Variants in SPATA6L observed in about 807,000 individuals in gnomAD.
The protein encoded by SPATA6L is spermatogenesis associated 6-like protein.
Under a neutral mutation model 49.2 loss-of-function variants are expected in SPATA6L, and 68 were observed. That is an observed-to-expected ratio of 1.38 (90% confidence interval 1.14 to 1.69). SPATA6L has a LOEUF of 1.69. Among genes scored for constraint, SPATA6L ranks in the 40% most tolerant of loss-of-function variants. SPATA6L has a pLI of 0.00. For missense variants in SPATA6L, 668 were observed against 464.3 expected, an observed-to-expected ratio of 1.44 and a Z score of -4.03; for synonymous variants, 198 against 165.7, an observed-to-expected ratio of 1.19 and a Z score of -1.50.
chr9:4,609,405 T>G (rs1300133904), intron 9 of SPATA6L, among the ~76,000 whole-genome samples: 1 of 152,186 alleles, frequency 6.6e-6, no homozygotes, highest in African/African-American at 2.4e-5. Flanking sequence ...CAAAAAATAC[T>G]GGCAAAACGA....
At chr9:4,631,733 A>G (rs1339693447) in intron 4 of SPATA6L, among the ~76,000 whole-genome samples, 1 of 152,244 alleles carries the variant, frequency 6.6e-6, no homozygotes, top group Non-Finnish European at 1.5e-5. Context: ...TTCCTACAAT[A>G]TTAATGAAAA....
At chr9:4,640,589 G>C (rs561771408) in intron 3 of SPATA6L, among the ~76,000 whole-genome samples, 16 of 152,098 alleles carry the variant, frequency 1.1e-4, no homozygotes, top group African/African-American at 3.4e-4. Context: ...ATTTTTGCTA[G>C]TATCAAGGAT....
chr9:4,652,430 A>C (rs1369647701), intron 3 of SPATA6L, among the ~76,000 whole-genome samples: 1 of 152,186 alleles, frequency 6.6e-6, no homozygotes, highest in Non-Finnish European at 1.5e-5. Flanking sequence ...GGATCTCTAT[A>C]AACTTGAACA....
chr9:4,649,845 A>G (rs1836397331), intron 3 of SPATA6L, among the ~76,000 whole-genome samples: 1 of 152,220 alleles, frequency 6.6e-6, no homozygotes. Context: ...AAATGAAATG[A>G]AAATATCCCA....
chr9:4,646,225 T>C (rs942913594), intron 3 of SPATA6L: 2 of 270,064 alleles, frequency 7.4e-6, no homozygotes, highest in African/African-American at 2.2e-5. Context: ...AATAATTAGA[T>C]AAAGTTATTA....
rs1418783529 is a variant in SPATA6L, at chr9:4,622,444, A to C, written c.736T>G (p.Ser246Ala). 1 of 1,613,936 alleles carries C rather than the reference A, an allele frequency of 6.2e-7. No individual in the cohort carries two copies. Among genetic ancestry groups the C allele is most frequent in the Non-Finnish European group, 8.5e-7 (1 of 1,179,876 alleles). ...GGAAACGGAAAGTCTGAAAACTTAG[A>C]TTTTCTTCTAGACCTCCTCAAATGA... ...EHHLRRSRRK[S>A]KFSDFPFPTR... Residue 246 changes from serine to alanine, a missense_variant, in exon 7 of 12, where the codon TCT (serine) becomes GCT (alanine). Ser to Ala is a moderately conservative substitution (Grantham distance 99). Transcript: ENST00000682582.
At chr9:4,649,998 G>A (rs1836427674) in intron 3 of SPATA6L, among the ~76,000 whole-genome samples, 1 of 152,178 alleles carries the variant, frequency 6.6e-6, no homozygotes, top group African/African-American at 2.4e-5. Context: ...AAATATAAAT[G>A]CAGGAAATCA....
chr9:4,603,289 G>A (rs1371265090), intron 11 of SPATA6L, among the ~76,000 whole-genome samples: 1 of 152,158 alleles, frequency 6.6e-6, no homozygotes, highest in Non-Finnish European at 1.5e-5. Context: ...AATTAGCTGG[G>A]TGTGGTTGTG....
intron 5 of SPATA6L, 63 bp downstream of exon 5, chr9:4,629,028 A>C: frequency 8.1e-7 from 1 of 1,228,258 alleles, no homozygotes; most frequent in South Asian, 1.3e-5. Context: ...TTGGGCAAAA[A>C]TTCTTTAAAT....
chr9:4,605,513 G>C, intron 9 of SPATA6L, 73 bp from the exon 10 acceptor site: 2 of 976,292 alleles, frequency 2.0e-6, no homozygotes, highest in Admixed American at 4.2e-5. Context: ...ATGACGGTAT[G>C]GATTGATATT....
At chr9:4,644,978 T>A (rs418122) in intron 3 of SPATA6L, among the ~76,000 whole-genome samples, 95,610 of 151,866 alleles carry the variant, frequency 0.63, 32,031 homozygotes, top group African/African-American at 0.88. Flanking sequence ...TCTGTTCAAA[T>A]TTACTCACCT....
intron 9 of SPATA6L, among the ~76,000 whole-genome samples, chr9:4,605,960 T>C (rs1216990486): frequency 6.6e-6 from 1 of 152,098 alleles, no homozygotes; most frequent in Non-Finnish European, 1.5e-5. Context: ...GCGCGCACCG[T>C]GCGCGAGCCG....
chr9:4,639,579 G>C (rs10491727), intron 3 of SPATA6L, among the ~76,000 whole-genome samples: 18,408 of 152,196 alleles, frequency 0.12, 1,559 homozygotes, highest in African/African-American at 0.23. Context: ...AGCACACTAA[G>C]AGGATGGTAC....
chr9:4,638,787 TTTC>T lies in SPATA6L; in HGVS notation c.227-3391_227-3389del, dbSNP rs1477400375. 5.1e-3 allele frequency among the ~76,000 whole-genome samples: 630 copies of T among 122,800 alleles called. 5 individuals are homozygous for T. The highest frequency in any genetic ancestry group is 0.028 in the African/African-American group (609 of 21,988). The allele number at this position is 122,800 out of a possible 152,430, so 80.6% of individuals were successfully genotyped here. ...ACTCTTTTCTTTTCTTTTCTTTTCT[TTTC>T]TTTTTTTTTTTTGAGATGGAGTCTC... On this transcript the variant is annotated intron_variant, in intron 3 of 11. Transcript: ENST00000682582.
Position 4,644,152 on chromosome 9 carries a change from G to A in SPATA6L, c.227-8753C>T, listed in dbSNP as rs912073436. Among the ~76,000 whole-genome samples, 39 of 123,224 alleles carry A rather than the reference G, an allele frequency of 3.2e-4. 1 individual carries two copies. Among genetic ancestry groups the A allele is most frequent in the Non-Finnish European group, 1.6e-5 (1 of 62,540 alleles). The allele number at this position is 123,224 out of a possible 152,430, so 80.8% of individuals were successfully genotyped here. ...ACTTGCATCCAGGAGTTTGAGACCA[G>A]CCTAGGCAACATAGTAAGATGCCAT... On this transcript the variant is annotated intron_variant, in intron 3 of 11. Transcript: ENST00000682582.
intron 2 of SPATA6L, among the ~76,000 whole-genome samples, chr9:4,657,828 G>C (rs1183020340): frequency 6.6e-6 from 1 of 152,186 alleles, no homozygotes; most frequent in East Asian, 1.9e-4. Context: ...AAAATCTCTA[G>C]TTAGAGGTTC....
chr9:4,620,213 C>T (rs982925541), intron 7 of SPATA6L, among the ~76,000 whole-genome samples: 1 of 152,074 alleles, frequency 6.6e-6, no homozygotes, highest in Non-Finnish European at 1.5e-5. Flanking sequence ...TAACCTCCTT[C>T]TCATAACCTC....
At chr9:4,665,639 G>C (rs1167276278) in intron 1 of SPATA6L, among the ~76,000 whole-genome samples, 1 of 152,182 alleles carries the variant, frequency 6.6e-6, no homozygotes, top group Non-Finnish European at 1.5e-5. Context: ...AAATAAGAGG[G>C]AGTGACAGAC....
chr9:4,618,186 A>G, intron 8 of SPATA6L, 76 bp from the exon 9 acceptor site: 3 of 1,313,754 alleles, frequency 2.3e-6, no homozygotes, highest in Non-Finnish European at 3.2e-6. Context: ...TGGGGGTTGG[A>G]CAAGGAAGAT....
Sources: gnomAD v4.1 joint callset for allele counts (sites outside exome capture counted in the v4.1 genomes callset) on GRCh38, gnomAD v4.1.1 for gene constraint, MANE v1.5 for transcripts, NCBI Gene and HGNC (gene_info 2026-07-23, HGNC 2026-07-21) for gene names.